F8: variants seen among roughly 807,000 people sequenced by gnomAD.
F8 encodes antihemophilic factor.
In F8, 12 loss-of-function variants were observed where a neutral mutation model predicts 140.6. That is an observed-to-expected ratio of 0.09 (90% CI 0.05 to 0.14). F8 has a LOEUF of 0.14. Among genes scored for constraint, F8 ranks in the 10% least tolerant of loss-of-function variants. The probability of loss-of-function intolerance (pLI) is 1.00; values close to 1 mark genes in which losing one functional copy is unlikely to be tolerated. For synonymous variants in F8, 585 were observed against 614.6 expected (o/e 0.95, Z 0.71); for missense variants, 1,354 against 1,720.7 (o/e 0.79, Z 3.77).
rs371761885 is a variant in F8 at position 154,930,077 on chromosome X, C to G, written c.3713G>C (p.Gly1238Ala). 9.5e-5 allele frequency: 115 copies of G among 1,209,420 alleles called. No homozygotes were observed. The highest frequency in any genetic ancestry group is 1.6e-5 in the Non-Finnish European group (14 of 894,961). Residue 1238 changes from glycine to alanine, a missense_variant, in exon 14 of 26, where the codon GGC becomes GCC. Gly to Ala is a moderately conservative substitution (Grantham distance 60, BLOSUM62 0). Transcript: ENST00000360256. Reference protein sequence around the residue: ...VVLPQIHTVTGTKNFMKNLFL... With the variant: ...VVLPQIHTVTATKNFMKNLFL... ...AAGGTTCTTCATGAAATTCTTAGTG[C>G]CAGTCACTGTATGTATCTGAGGCAA...
intron 1 of F8, among the ~76,000 whole-genome samples, chrX:155,007,142 GA>G (rs781874334): frequency 9.0e-6 from 1 of 111,563 alleles, no homozygotes; most frequent in Non-Finnish European, 1.9e-5. Context: ...AGCTCTTCCA[GA>G]AAAAAGTTGG....
At chrX:154,969,720 C>A (rs1187423503) in intron 6 of F8, among the ~76,000 whole-genome samples, 168 bp from the exon 7 acceptor site, 1 of 112,347 alleles carries the variant, frequency 8.9e-6, no homozygotes, top group Non-Finnish European at 1.9e-5. Flanking sequence ...CAGCTCTTGC[C>A]AAGGTCACCA....
intron 6 of F8, among the ~76,000 whole-genome samples, chrX:154,982,148 C>G (rs2073527654): frequency 9.2e-6 from 1 of 109,017 alleles, no homozygotes; most frequent in South Asian, 4.0e-4. Flanking sequence ...TGTGCCACTG[C>G]ACTCCAGCCT....
chrX:155,003,960 CAAAAAAA>C (rs869097926), intron 1 of F8, among the ~76,000 whole-genome samples: 1 of 33,178 alleles, frequency 3.0e-5, no homozygotes, highest in Non-Finnish European at 5.2e-5. Flanking sequence ...GATTCTGTCT[CAAAAAAA>C]AAAAAAAAAA....
At chrX:154,901,668 T>C (rs945938171) in intron 19 of F8, among the ~76,000 whole-genome samples, 2 of 112,330 alleles carry the variant, frequency 1.8e-5, no homozygotes, top group Non-Finnish European at 3.8e-5. Flanking sequence ...CGTACATAAA[T>C]AGACCAGTGG....
chrX:154,998,414 T>C (rs1354544733), intron 2 of F8, among the ~76,000 whole-genome samples: 2 of 112,930 alleles, frequency 1.8e-5, no homozygotes, highest in African/African-American at 6.4e-5. Flanking sequence ...TAAAAACAAA[T>C]AGGCACAATG....
chrX:154,953,812 T>C, intron 12 of F8, 80 bp downstream of exon 12: 1 of 1,087,691 alleles, frequency 9.2e-7, no homozygotes, highest in Middle Eastern at 2.5e-4. Context: ...ATACAATTCA[T>C]TCATTATCTG....
chrX:154,866,453 A>G (rs1156485479), intron 22 of F8, among the ~76,000 whole-genome samples: 2 of 112,056 alleles, frequency 1.8e-5, no homozygotes, highest in Non-Finnish European at 3.8e-5. Context: ...CACACACAAA[A>G]CATTCTTCAG....
In F8 at chrX:154,929,292, G is replaced by T. The variant is rs1033878687; in HGVS notation, c.4498C>A (p.Pro1500Thr). ...TYKKVENTVLPKPDLPKTSGK... is the reference protein window; with the variant it reads ...TYKKVENTVLTKPDLPKTSGK... ...GATGTTTTGGGCAAGTCTGGTTTCG[G>T]GAGAACAGTGTTCTCAACTTTCTTG... Residue 1500 changes from proline (P) to threonine (T), a missense_variant, in exon 14 of 26, where the codon CCG (proline) becomes ACG (threonine). Physicochemically the swap from Pro to Thr is conservative, Grantham distance 38. Around this residue, in one of 4 missense-constraint regions of F8, gnomAD observed 658 missense variants for 666.5 expected, o/e 0.99. Transcript: ENST00000360256. 1.7e-5 allele frequency: 20 copies of T among 1,211,698 alleles called. No homozygotes were observed. The highest frequency in any genetic ancestry group is 2.2e-5 in the Non-Finnish European group (20 of 895,408).
In F8 at chrX:154,902,167, C is replaced by A. The variant is rs1603432913; in HGVS notation, c.5999G>T (p.Gly2000Val). 1 of 1,170,196 alleles carries A rather than the reference C, an allele frequency of 8.5e-7. No individual in the cohort carries two copies. Among genetic ancestry groups the A allele is most frequent in the Non-Finnish European group, 1.2e-6 (1 of 857,507 alleles). The part of the protein sequence containing the change: ...YKMALYNLYP[G>V]VFETVEMLPS... ...TAACATTTCCACTGTCTCAAAAACA[C>A]CTTATAAAAACCAACAGGAACAGAA... Residue 2000 changes from glycine to valine, a missense_variant and splice_region_variant, in exon 19 of 26, where the codon GGT (glycine) becomes GTT (valine). Gly to Val is a moderately radical substitution (Grantham distance 109). Transcript: ENST00000360256.
intron 23 of F8, among the ~76,000 whole-genome samples, chrX:154,862,654 G>C (rs1342509414): frequency 9.0e-6 from 1 of 111,418 alleles, no homozygotes; most frequent in Non-Finnish European, 1.9e-5. Context: ...TTCTGTTCCT[G>C]CATTAGTTCA....
At chrX:154,842,829 G>C (rs7878704) in intron 25 of F8, among the ~76,000 whole-genome samples, 2,595 of 111,216 alleles carry the variant, frequency 0.023, 24 homozygotes, top group Middle Eastern at 0.037. Context: ...TAAGTTCTAG[G>C]GTACATGTGC....
At chrX:154,987,439 G>T in intron 4 of F8, 134 bp from the exon 5 acceptor site, 1 of 556,393 alleles carries the variant, frequency 1.8e-6, no homozygotes, top group Non-Finnish European at 3.0e-6. Flanking sequence ...TTGATAACTT[G>T]GCTTTGATGT....
At chrX:154,991,431 T>C (rs962077548) in intron 4 of F8, among the ~76,000 whole-genome samples, 5 of 112,298 alleles carry the variant, frequency 4.5e-5, no homozygotes, top group South Asian at 3.6e-4. Context: ...TTCTATTTGC[T>C]TTTTAGAAAT....
intron 1 of F8, among the ~76,000 whole-genome samples, chrX:155,007,130 G>A (rs1212815894): frequency 1.1e-4 from 12 of 110,882 alleles, no homozygotes; most frequent in Non-Finnish European, 2.1e-4. Flanking sequence ...TACTGATAAG[G>A]AAGCTCTTCC....
chrX:154,976,623 G>T (rs1172466309), intron 6 of F8, among the ~76,000 whole-genome samples: 1 of 96,060 alleles, frequency 1.0e-5, no homozygotes, highest in Non-Finnish European at 2.0e-5. Flanking sequence ...CCCTTCCTGT[G>T]TCCATGTGAT....
intron 22 of F8, among the ~76,000 whole-genome samples, chrX:154,872,188 C>T (rs1557273641): frequency 8.9e-6 from 1 of 111,804 alleles, no homozygotes; most frequent in East Asian, 2.8e-4. Flanking sequence ...CCCAGCAAAT[C>T]CCACTACTGG....
chrX:154,976,851 T>C (rs975487185), intron 6 of F8, among the ~76,000 whole-genome samples: 1 of 111,723 alleles, frequency 9.0e-6, no homozygotes, highest in African/African-American at 3.3e-5. Flanking sequence ...TCTATGTCTT[T>C]TAGTTGGAGA....
Position 154,966,596 on chromosome X carries a change from A to G in F8, c.1101T>C (p.Asp367=). Residue 367 remains aspartate, a synonymous_variant, in exon 8 of 26, where the codon GAT becomes GAC. Transcript: ENST00000360256. The part of the protein sequence containing the change: ...KNNEEAEDYD[D]DLTDSEMDVV... ...CATCCATTTCAGAATCAGTAAGATCATCATCATAGTCTTCCGCTTCTTCAT... is the reference window on the plus strand; with the variant it reads ...CATCCATTTCAGAATCAGTAAGATCGTCATCATAGTCTTCCGCTTCTTCAT... 8.3e-7 allele frequency: 1 copy of G among 1,211,160 alleles called. No homozygotes were observed. The highest frequency in any genetic ancestry group is 1.1e-6 in the Non-Finnish European group (1 of 895,082).
Sources: allele counts gnomAD v4.1 joint callset (sites outside exome capture counted in the v4.1 genomes callset), GRCh38; gene constraint gnomAD v4.1.1; regional missense constraint gnomAD v4.1.1; transcripts MANE v1.5; gene names NCBI Gene and HGNC (gene_info 2026-07-23, HGNC 2026-07-21).